MGAT4C: variants seen among roughly 807,000 people sequenced by gnomAD.
MGAT4C encodes MGAT4 family member C.
Under a neutral mutation model 40.1 loss-of-function variants are expected in MGAT4C, and 19 were observed. The ratio of observed to expected loss-of-function variants is 0.47; its 90% CI spans 0.33 to 0.70. The LOEUF is 0.70. Ranked by LOEUF, MGAT4C falls within the 30% of genes least tolerant of loss-of-function variation. The probability of loss-of-function intolerance (pLI) is 0.02; values close to 1 mark genes in which losing one functional copy is unlikely to be tolerated. For synonymous variants in MGAT4C, 181 were observed against 187.1 expected (o/e 0.97, Z 0.27); for missense variants, 491 against 563.2 (o/e 0.87, Z 1.30).
At chr12:86,271,912 T>A (rs537578194) in intron 4 of MGAT4C, among the ~76,000 whole-genome samples, 7 of 152,254 alleles carry the variant, frequency 4.6e-5, no homozygotes, top group Admixed American at 2.0e-4. Flanking sequence ...AATTGGCAAA[T>A]ATCACATGTT....
At chr12:86,080,123 G>A (rs2135540288) in intron 1 of MGAT4C, among the ~76,000 whole-genome samples, 1 of 152,154 alleles carries the variant, frequency 6.6e-6, no homozygotes, top group East Asian at 1.9e-4. Flanking sequence ...ATGCTGCCAT[G>A]CCATCTGTTT....
intron 2 of MGAT4C, among the ~76,000 whole-genome samples, chr12:86,692,311 T>C (rs1950185748): frequency 6.6e-6 from 1 of 152,150 alleles, no homozygotes; most frequent in Non-Finnish European, 1.5e-5. Flanking sequence ...ACGTACATAG[T>C]ATAATTACAT....
At chr12:86,650,767 C>T (rs1490070926) in intron 2 of MGAT4C, among the ~76,000 whole-genome samples, 1 of 151,886 alleles carries the variant, frequency 6.6e-6, no homozygotes, top group East Asian at 1.9e-4. Context: ...TGGTTTATTA[C>T]TGCTTTAAAC....
Position 86,560,816 on chromosome 12 carries a change from T to G in MGAT4C, c.-228-125551A>C, listed in dbSNP as rs149098830. 2.6e-3 allele frequency among the ~76,000 whole-genome samples: 392 copies of G among 152,074 alleles called. 1 individual carries two copies. The highest frequency in any genetic ancestry group is 9.3e-3 in the African/African-American group (385 of 41,514). ...AGAGCAATTAGATCAGAGAAAGAAA[T>G]AAAACATAACAAAACTGGAAAAAAG... is the stretch of plus-strand genomic sequence containing the variant. On this transcript the variant is annotated intron_variant, in intron 2 of 7. Transcript: ENST00000548651.
intron 2 of MGAT4C, among the ~76,000 whole-genome samples, chr12:86,504,898 C>T (rs537363589): frequency 2.0e-5 from 3 of 152,212 alleles, no homozygotes; most frequent in East Asian, 1.9e-4. Context: ...CTGCCCGCCT[C>T]GGCTTCACAA....
chr12:86,313,388 C>T (rs1954125574), intron 4 of MGAT4C, among the ~76,000 whole-genome samples: 1 of 152,094 alleles, frequency 6.6e-6, no homozygotes, highest in African/African-American at 2.4e-5. Context: ...TTATTATCCT[C>T]TTTTCAAAAT....
chr12:86,440,729 A>G (rs1957211859), intron 2 of MGAT4C, among the ~76,000 whole-genome samples: 1 of 152,078 alleles, frequency 6.6e-6, no homozygotes. Flanking sequence ...GGAAACCCTA[A>G]AGAGTCCTTC....
rs1955616974 is a variant in MGAT4C at position 86,367,245 on chromosome 12, G to C, written c.-119-33118C>G. Among the ~76,000 whole-genome samples the C allele has an allele frequency of 2.6e-5, 4 of 151,910 alleles. No individual in the cohort carries two copies. The South Asian group carries it at 8.3e-4, about 31-fold the overall frequency. ...ATAGCTTGAGCACAAAAGGAAGTGG[G>C]GGTAAAGTTTCTTGGGTAACTGCCA... is the stretch of plus-strand genomic sequence containing the variant. On this transcript the variant is annotated intron_variant, in intron 3 of 7. Transcript: ENST00000548651.
At chr12:86,320,961 T>A (rs755312449) in intron 4 of MGAT4C, among the ~76,000 whole-genome samples, 4 of 152,120 alleles carry the variant, frequency 2.6e-5, no homozygotes, top group Non-Finnish European at 4.4e-5. Context: ...AATCCCATTC[T>A]TGCTCCTAAA....
At chr12:86,605,824 A>C (rs1352710807) in intron 2 of MGAT4C, among the ~76,000 whole-genome samples, 1 of 152,128 alleles carries the variant, frequency 6.6e-6, no homozygotes, top group African/African-American at 2.4e-5. Flanking sequence ...GTATCCCCTG[A>C]GATCACAGTT....
intron 1 of MGAT4C, among the ~76,000 whole-genome samples, chr12:86,230,137 T>A (rs149015250): frequency 3.3e-3 from 495 of 152,178 alleles, no homozygotes; most frequent in African/African-American, 0.011. Flanking sequence ...ATAGGTACTT[T>A]ACAAATGTGT....
intron 1 of MGAT4C, among the ~76,000 whole-genome samples, chr12:86,145,570 A>C (rs1883404954): frequency 6.6e-6 from 1 of 152,164 alleles, no homozygotes; most frequent in Admixed American, 6.5e-5. Flanking sequence ...GGTGTTCCGA[A>C]GGTGCCTTCT....
intron 2 of MGAT4C, among the ~76,000 whole-genome samples, chr12:86,612,891 G>GC (rs755442521): frequency 6.6e-6 from 1 of 151,984 alleles, no homozygotes; most frequent in Non-Finnish European, 1.5e-5. Context: ...TCATGTAACT[G>GC]CAAAACTGCT....
rs149227868 is a variant in MGAT4C, at chr12:86,435,471, T to C, written c.-228-206A>G. Among the ~76,000 whole-genome samples the C allele has an allele frequency of 6.6e-5, 10 of 151,952 alleles. No individual in the cohort carries two copies. The East Asian group carries it at 1.9e-3, about 29-fold the overall frequency. On this transcript the variant is annotated intron_variant, in intron 2 of 7. Transcript: ENST00000548651. ...TTTAAAGAAAGCATGCATTTGTGAG[T>C]GTCAGTTCTATTACCATGTCTGAAA...
intron 1 of MGAT4C, among the ~76,000 whole-genome samples, chr12:86,073,375 C>T (rs7486522): frequency 0.21 from 31,368 of 151,840 alleles, 4,255 homozygotes; most frequent in African/African-American, 0.38. Context: ...AAATTGATAC[C>T]ATAGATTGGG....
chr12:86,730,337 G>A (rs1950888066), intron 1 of MGAT4C, among the ~76,000 whole-genome samples: 1 of 151,924 alleles, frequency 6.6e-6, no homozygotes, highest in African/African-American at 2.4e-5. Context: ...TTTGTTTTAA[G>A]GGTAGGAAAT....
chr12:86,589,057 C>G (rs1396597859), intron 2 of MGAT4C, among the ~76,000 whole-genome samples: 3 of 150,248 alleles, frequency 2.0e-5, no homozygotes, highest in East Asian at 2.0e-4. Context: ...AAAATCAGAG[C>G]AGAACTGAAG....
At chr12:86,305,378 G>A (rs1953907979) in intron 4 of MGAT4C, among the ~76,000 whole-genome samples, 1 of 148,668 alleles carries the variant, frequency 6.7e-6, no homozygotes, top group South Asian at 2.1e-4. Context: ...GGCAGATATT[G>A]TGGTGAGCTG....
At chr12:86,674,870 C>CTTGTT (rs1169347632) in intron 2 of MGAT4C, among the ~76,000 whole-genome samples, 1 of 152,040 alleles carries the variant, frequency 6.6e-6, no homozygotes, top group African/African-American at 2.4e-5. Context: ...TACTGAATCT[C>CTTGTT]TTGTTTATTT....
Sources: allele counts gnomAD v4.1 joint callset (sites outside exome capture counted in the v4.1 genomes callset), GRCh38; gene constraint gnomAD v4.1.1; transcripts MANE v1.5; gene names NCBI Gene and HGNC (gene_info 2026-07-23, HGNC 2026-07-21).